The following KCNQ5 variants were observed in gnomAD, a reference collection of about 807,000 sequenced individuals.
The protein encoded by KCNQ5 is potassium voltage-gated channel subfamily Q member 5.
Under a neutral mutation model 98.2 loss-of-function variants are expected in KCNQ5, and 30 were observed. That is an observed-to-expected ratio of 0.31 (90% CI 0.23 to 0.41). The LOEUF is 0.41. Ranked by LOEUF, KCNQ5 falls within the 10% of genes least tolerant of loss-of-function variation. The pLI, the probability that KCNQ5 is intolerant of heterozygous loss-of-function variation, is 1.00. For synonymous variants in KCNQ5, 458 were observed against 449.4 expected (o/e 1.02, Z -0.24); for missense variants, 835 against 1,182.5 (o/e 0.71, Z 4.31).
chr6:73,022,898 CA>C (rs1770668321), intron 2 of KCNQ5, among the ~76,000 whole-genome samples: 1 of 152,130 alleles, frequency 6.6e-6, no homozygotes, highest in South Asian at 2.1e-4. Flanking sequence ...AAGATTGAAA[CA>C]GAGAAGAACC....
intron 2 of KCNQ5, among the ~76,000 whole-genome samples, chr6:73,035,850 C>T (rs779487008): frequency 6.6e-6 from 1 of 152,040 alleles, no homozygotes; most frequent in Non-Finnish European, 1.5e-5. Context: ...AGTAGACATA[C>T]CCTGTGTATA....
chr6:73,009,776 T>C (rs1231944475), intron 2 of KCNQ5, among the ~76,000 whole-genome samples: 1 of 152,126 alleles, frequency 6.6e-6, no homozygotes, highest in Non-Finnish European at 1.5e-5. Flanking sequence ...GAAATCTAGA[T>C]GAAATGGACA....
chr6:73,120,286 TC>T (rs1297620077), intron 7 of KCNQ5, among the ~76,000 whole-genome samples, 196 bp from the exon 8 acceptor site: 1 of 151,970 alleles, frequency 6.6e-6, no homozygotes, highest in Non-Finnish European at 1.5e-5. Context: ...TAAAAGAAGT[TC>T]TGATGTGGTG....
chr6:72,918,710 G>C (rs1393847066), intron 1 of KCNQ5, among the ~76,000 whole-genome samples: 1 of 152,090 alleles, frequency 6.6e-6, no homozygotes, highest in Non-Finnish European at 1.5e-5. Context: ...ACCTGGCCTA[G>C]AGAGCCACCA....
At chr6:72,852,251 TG>T (rs2150143300) in intron 1 of KCNQ5, among the ~76,000 whole-genome samples, 1 of 152,214 alleles carries the variant, frequency 6.6e-6, no homozygotes, top group African/African-American at 2.4e-5. Context: ...GAGAGCTGGA[TG>T]TTAAATTTTC....
intron 1 of KCNQ5, among the ~76,000 whole-genome samples, chr6:72,747,210 T>C (rs9293907): frequency 0.29 from 44,616 of 152,090 alleles, 10,458 homozygotes; most frequent in African/African-American, 0.65. Context: ...TTTTAAATTA[T>C]ATCACAGGTA....
intron 11 of KCNQ5, among the ~76,000 whole-genome samples, chr6:73,179,037 T>C (rs910330335): frequency 2.0e-5 from 3 of 152,208 alleles, no homozygotes; most frequent in Non-Finnish European, 4.4e-5. Context: ...CTGGGTCACC[T>C]GAAGGATGAG....
At chr6:72,671,160 C>G (rs969375753) in intron 1 of KCNQ5, among the ~76,000 whole-genome samples, 6 of 152,178 alleles carry the variant, frequency 3.9e-5, no homozygotes, top group Admixed American at 2.6e-4. Flanking sequence ...TTCTCTCAGG[C>G]CTTCTCCCTT....
intron 10 of KCNQ5, among the ~76,000 whole-genome samples, chr6:73,154,449 GTATT>G (rs922533613): frequency 6.6e-6 from 1 of 152,120 alleles, no homozygotes; most frequent in Non-Finnish European, 1.5e-5. Context: ...TTGCTGTAAA[GTATT>G]TAGATTTCCA....
rs1765856726 is a variant in KCNQ5, at chr6:72,651,142, AC to A, written c.398+28560del. ...ATTTGTTCATATATTTAACATAGCT[AC>A]CCCCTTATGGTATTATAATTACCTG... On this transcript the variant is annotated intron_variant, in intron 1 of 13. Coordinates refer to ENST00000370398, the MANE Select transcript of KCNQ5 (RefSeq NM_019842.4). 2.0e-5 allele frequency among the ~76,000 whole-genome samples: 3 copies of A among 152,080 alleles called. No individual in the cohort carries two copies. In the South Asian group the frequency reaches 6.2e-4, roughly 32 times the overall value.
intron 1 of KCNQ5, among the ~76,000 whole-genome samples, chr6:72,712,723 C>T (rs1035521615): frequency 2.0e-5 from 3 of 152,100 alleles, no homozygotes; most frequent in Non-Finnish European, 4.4e-5. Context: ...GATGAAAGCT[C>T]AATAATTTTT....
intron 1 of KCNQ5, among the ~76,000 whole-genome samples, chr6:72,744,856 G>A (rs1771304005): frequency 1.3e-5 from 2 of 151,932 alleles, no homozygotes; most frequent in East Asian, 1.9e-4. Context: ...AAAGGCAACA[G>A]AGGTACAACA....
chr6:73,036,986 G>A (rs542735795), intron 2 of KCNQ5, among the ~76,000 whole-genome samples: 156 of 152,132 alleles, frequency 1.0e-3, no homozygotes, highest in Non-Finnish European at 1.6e-3. Context: ...CAGCTTCTCC[G>A]CATCCTCCCC....
chr6:72,902,422 T>C (rs948889491), intron 1 of KCNQ5, among the ~76,000 whole-genome samples: 1 of 152,206 alleles, frequency 6.6e-6, no homozygotes, highest in Non-Finnish European at 1.5e-5. Flanking sequence ...CTTGTTCCAG[T>C]TCTAAGAGGG....
intron 2 of KCNQ5, among the ~76,000 whole-genome samples, chr6:73,030,861 T>A (rs1311675375): frequency 2.0e-5 from 3 of 152,186 alleles, no homozygotes; most frequent in Non-Finnish European, 4.4e-5. Flanking sequence ...GTTTTTCACA[T>A]TCTACCAACA....
At chr6:72,848,602 C>G (rs1240979745) in intron 1 of KCNQ5, among the ~76,000 whole-genome samples, 2 of 152,020 alleles carry the variant, frequency 1.3e-5, no homozygotes, top group African/African-American at 4.8e-5. Flanking sequence ...TCTATCTAAC[C>G]CAAAGAAAAA....
At chr6:73,095,865 TG>T (rs1222844398) in intron 5 of KCNQ5, among the ~76,000 whole-genome samples, 2 of 152,176 alleles carry the variant, frequency 1.3e-5, no homozygotes, top group Non-Finnish European at 2.9e-5. Context: ...AGGGGGTCTG[TG>T]GGTCCTCTCT....
intron 1 of KCNQ5, among the ~76,000 whole-genome samples, chr6:72,737,424 A>G (rs1387947409): frequency 6.6e-6 from 1 of 152,214 alleles, no homozygotes; most frequent in Non-Finnish European, 1.5e-5. Flanking sequence ...ACAACAATAT[A>G]CAAAGGATAA....
At chr6:72,786,672 G>A (rs943235172) in intron 1 of KCNQ5, among the ~76,000 whole-genome samples, 38 of 152,132 alleles carry the variant, frequency 2.5e-4, no homozygotes, top group African/African-American at 8.9e-4. Flanking sequence ...TCGCAATACT[G>A]GCCTCTCACA....
Sources: allele counts gnomAD v4.1 joint callset (sites outside exome capture counted in the v4.1 genomes callset), GRCh38; gene constraint gnomAD v4.1.1; transcripts MANE v1.5; gene names NCBI Gene and HGNC (gene_info 2026-07-23, HGNC 2026-07-21).